The following TPH2 variants were observed in gnomAD, a reference collection of about 807,000 sequenced individuals.
The protein encoded by TPH2 is tryptophan hydroxylase 2.
In TPH2, 27 loss-of-function variants were observed where a neutral mutation model predicts 59.1. The observed-to-expected ratio is 0.46, with a 90% CI of 0.34 to 0.63. The LOEUF is 0.63. Among genes scored for constraint, TPH2 ranks in the 30% least tolerant of loss-of-function variants. TPH2 has a pLI of 0.01. For synonymous variants in TPH2, 220 were observed against 210.5 expected, an observed-to-expected ratio of 1.05 and a Z score of -0.39; for missense variants, 523 against 588.3, an observed-to-expected ratio of 0.89 and a Z score of 1.15.
chr12:72,029,709 G>A (rs558105203), intron 9 of TPH2, among the ~76,000 whole-genome samples: 1 of 152,110 alleles, frequency 6.6e-6, no homozygotes, highest in African/African-American at 2.4e-5. Context: ...GAGGCCCTCT[G>A]CATTCTGTGA....
chr12:71,980,806 C>T (rs1177135094), intron 7 of TPH2, among the ~76,000 whole-genome samples: 2 of 152,100 alleles, frequency 1.3e-5, no homozygotes, highest in African/African-American at 4.8e-5. Context: ...GAGATTTTAG[C>T]CACAGAGGAT....
intron 8 of TPH2, among the ~76,000 whole-genome samples, chr12:72,012,173 T>TCAACAACAACAACAACAA (rs58438005): frequency 1.4e-4 from 21 of 151,652 alleles, no homozygotes; most frequent in East Asian, 9.7e-4. Flanking sequence ...GAGCAGGAAT[T>TCAACAACAACAACAACAA]CAACAACAAC....
chr12:72,000,616 C>T (rs566815146), intron 8 of TPH2, among the ~76,000 whole-genome samples: 12 of 152,298 alleles, frequency 7.9e-5, no homozygotes, highest in African/African-American at 2.9e-4. Context: ...GAGAGTATGT[C>T]TTTCGAAAGG....
At chr12:71,994,373 C>G in intron 7 of TPH2, 66 bp from the exon 8 acceptor site, 1 of 1,592,340 alleles carries the variant, frequency 6.3e-7, no homozygotes, top group Non-Finnish European at 8.6e-7. Context: ...GTTTTTAAGT[C>G]TTGTTCTACC....
At chr12:71,998,062 G>C (rs879408690) in intron 8 of TPH2, among the ~76,000 whole-genome samples, 1 of 152,158 alleles carries the variant, frequency 6.6e-6, no homozygotes, top group Non-Finnish European at 1.5e-5. Flanking sequence ...GACTTTGAAA[G>C]TTTAAAAGAA....
intron 6 of TPH2, among the ~76,000 whole-genome samples, chr12:71,977,448 T>TAC (rs57986383): frequency 0.018 from 2,686 of 149,994 alleles, 35 homozygotes; most frequent in Middle Eastern, 0.035. Context: ...GTGCTCTTAC[T>TAC]ACACACACAC....
intron 4 of TPH2, among the ~76,000 whole-genome samples, chr12:71,947,347 A>G (rs1178019402): frequency 2.0e-5 from 3 of 151,982 alleles, no homozygotes; most frequent in Non-Finnish European, 4.4e-5. Context: ...ATTGAGTGTC[A>G]ACACAAATTT....
intron 8 of TPH2, among the ~76,000 whole-genome samples, chr12:72,021,656 T>C (rs897938164): frequency 1.3e-5 from 2 of 152,180 alleles, no homozygotes; most frequent in African/African-American, 2.4e-5. Context: ...GCAGGTTAGA[T>C]GTATTAAACA....
chr12:71,998,097 C>T (rs1872735902), intron 8 of TPH2, among the ~76,000 whole-genome samples: 1 of 152,182 alleles, frequency 6.6e-6, no homozygotes, highest in Non-Finnish European at 1.5e-5. Context: ...AAGGACTTAA[C>T]ATAAATGCTT....
chr12:72,029,909 A>T (rs571520505), intron 9 of TPH2, among the ~76,000 whole-genome samples: 1 of 152,180 alleles, frequency 6.6e-6, no homozygotes, highest in Non-Finnish European at 1.5e-5. Context: ...TGCACGAAGA[A>T]TATTGAACAG....
intron 7 of TPH2, among the ~76,000 whole-genome samples, chr12:71,980,813 G>C (rs1420326817): frequency 1.3e-5 from 2 of 152,140 alleles, no homozygotes; most frequent in Non-Finnish European, 2.9e-5. Flanking sequence ...TAGCCACAGA[G>C]GATAATGTGT....
chr12:72,017,568 C>G (rs891470229), intron 8 of TPH2, among the ~76,000 whole-genome samples: 1 of 152,036 alleles, frequency 6.6e-6, no homozygotes, highest in African/African-American at 2.4e-5. Flanking sequence ...AGGTGTTAGT[C>G]TTAGTATTAT....
intron 5 of TPH2, among the ~76,000 whole-genome samples, chr12:71,958,215 A>G (rs1871567407): frequency 6.6e-6 from 1 of 152,228 alleles, no homozygotes; most frequent in South Asian, 2.1e-4. Context: ...GCAAATATTT[A>G]TAGTACTAGG....
chr12:71,955,074 T>C (rs1356810212), intron 5 of TPH2, among the ~76,000 whole-genome samples: 1 of 152,210 alleles, frequency 6.6e-6, no homozygotes, highest in East Asian at 1.9e-4. Flanking sequence ...ATCCATGGAA[T>C]CTGAAATGTA....
Position 72,031,599 on chromosome 12 carries a change from C to T in TPH2, c.1377C>T (p.Asp459=). 1 of 1,613,630 alleles carries T rather than the reference C, an allele frequency of 6.2e-7. No homozygotes were observed. Among genetic ancestry groups the T allele is most frequent in the Non-Finnish European group, 8.5e-7 (1 of 1,179,624 alleles). Residue 459 remains aspartate, a synonymous_variant, in exon 11 of 11, where the codon GAC becomes GAT. Transcript: ENST00000333850. The part of the protein sequence containing the change: ...PYTQSIEILK[D]TRSIENVVQD... ...CACAGAGTATTGAAATTCTGAAAGA[C>T]ACCAGAAGTATTGAAAATGTGGTGC...
At chr12:71,983,291 T>A (rs1592397794) in intron 7 of TPH2, among the ~76,000 whole-genome samples, 1 of 152,306 alleles carries the variant, frequency 6.6e-6, no homozygotes, top group African/African-American at 2.4e-5. Context: ...AGGCAATGAA[T>A]CTGCATTTCG....
At chr12:71,998,596 C>A (rs1872749458) in intron 8 of TPH2, among the ~76,000 whole-genome samples, 1 of 151,990 alleles carries the variant, frequency 6.6e-6, no homozygotes, top group Non-Finnish European at 1.5e-5. Context: ...AACCTCAAAC[C>A]ATATACTGAA....
In TPH2 at chr12:71,955,616, A is replaced by C. The variant is rs190708064; in HGVS notation, c.608+5961A>C. Among the ~76,000 whole-genome samples the C allele has an allele frequency of 3.3e-3, 503 of 152,372 alleles. 1 individual carries two copies. The highest frequency in any genetic ancestry group is 0.012 in the African/African-American group (488 of 41,588). On this transcript the variant is annotated intron_variant, in intron 5 of 10. Transcript: ENST00000333850. ...CCTCAGTTTCCTTATCTGTAAAATGAGGATAACTCTAGTACTACTTTATAG... is the reference window on the plus strand; with the variant it reads ...CCTCAGTTTCCTTATCTGTAAAATGCGGATAACTCTAGTACTACTTTATAG...
At chr12:72,031,188 A>C in intron 9 of TPH2, 70 bp from the exon 10 acceptor site, 2 of 1,601,068 alleles carry the variant, frequency 1.2e-6, no homozygotes, top group Non-Finnish European at 1.7e-6. Flanking sequence ...ATGTGTTGTA[A>C]AAATGTGATG....
Sources: gnomAD v4.1 joint callset for allele counts (sites outside exome capture counted in the v4.1 genomes callset) on GRCh38, gnomAD v4.1.1 for gene constraint, MANE v1.5 for transcripts, NCBI Gene and HGNC (gene_info 2026-07-23, HGNC 2026-07-21) for gene names.